IDH1: variants seen among roughly 807,000 people sequenced by gnomAD.
The protein encoded by IDH1 is isocitrate dehydrogenase [NADP] cytoplasmic.
Under a neutral mutation model 46.1 loss-of-function variants are expected in IDH1, and 33 were observed. The ratio of observed to expected loss-of-function variants is 0.72; its 90% CI spans 0.54 to 0.96. IDH1 has a LOEUF of 0.96. Ranked by LOEUF, IDH1 falls within the 40% of genes least tolerant of loss-of-function variation. The pLI is 0.00. For missense variants in IDH1, 421 were observed against 515.7 expected (o/e 0.82, Z 1.78); for synonymous variants, 144 against 172.8 (o/e 0.83, Z 1.31).
At position 208,236,943 on chromosome 2, in the gene IDH1, T is replaced by G. The variant is rs749424817; in HGVS notation, c.*136A>C. ...ATATAAGAAAAAGGCTGTAAACTTA[T>G]AGAAAAGATAAACTCTGGCTTCTAA... On this transcript the variant is annotated 3_prime_UTR_variant, in exon 10 of 10. Transcript: ENST00000345146. The G allele has an allele frequency of 6.3e-6, 4 of 637,224 alleles. No individual in the cohort carries two copies. Among genetic ancestry groups the G allele is most frequent in the Non-Finnish European group, 8.3e-6 (3 of 359,382 alleles). The allele number at this position is 637,224 out of a possible 1,614,324, so 39.5% of individuals were successfully genotyped here.
At chr2:208,244,557 T>C (rs1687982151) in intron 5 of IDH1, among the ~76,000 whole-genome samples, 1 of 152,246 alleles carries the variant, frequency 6.6e-6, no homozygotes, top group South Asian at 2.1e-4. Flanking sequence ...CACTGTGTTT[T>C]ACAACTATTA....
intron 2 of IDH1, among the ~76,000 whole-genome samples, chr2:208,251,812 C>T (rs1421594670): frequency 4.6e-5 from 7 of 151,762 alleles, no homozygotes; most frequent in Admixed American, 4.6e-4. Flanking sequence ...GCCCTCATAA[C>T]AATCCAAAAA....
At chr2:208,242,226 A>T in intron 6 of IDH1, 81 bp from the exon 7 acceptor site, 1 of 1,281,264 alleles carries the variant, frequency 7.8e-7, no homozygotes, top group Non-Finnish European at 1.1e-6. Flanking sequence ...CCCAAACAGA[A>T]GACCGGACAC....
chr2:208,252,362 G>A (rs958678036), intron 2 of IDH1, among the ~76,000 whole-genome samples: 10 of 152,220 alleles, frequency 6.6e-5, no homozygotes, highest in Non-Finnish European at 1.5e-5. Context: ...CTGCTAGTGA[G>A]TGGGATAGGA....
rs1559363426 is a variant in IDH1 at position 208,251,581 on chromosome 2, A to C, written c.-16-14T>G. On this transcript the variant is annotated splice_polypyrimidine_tract_variant and intron_variant, in intron 2 of 9. Coordinates refer to ENST00000345146, the MANE Select transcript of IDH1 (RefSeq NM_005896.4). ...ACTTCAATAAACCTAAAAAGAAAAAAAAAATACATGCCTTGTCATTTATTT... is the reference window on the plus strand; with the variant it reads ...ACTTCAATAAACCTAAAAAGAAAAACAAAATACATGCCTTGTCATTTATTT... The C allele has an allele frequency of 1.2e-6, 2 of 1,603,094 alleles. No homozygotes were observed. Among genetic ancestry groups the C allele is most frequent in the Non-Finnish European group, 1.7e-6 (2 of 1,171,608 alleles).
rs200686278 is a variant in IDH1, at chr2:208,237,182, A to T, written c.1155-13T>A. On this transcript the variant is annotated splice_polypyrimidine_tract_variant and intron_variant, in intron 9 of 9. Transcript: ENST00000345146. ...AGAACGTTGCACACTAACGGGAAGG[A>T]AAAAAAAAAGAAAATTTAGTTGGTC... The T allele has an allele frequency of 1.8e-3, 2 of 1,084 alleles. No homozygotes were observed. Among genetic ancestry groups the T allele is most frequent in the Non-Finnish European group, 1.5e-3 (1 of 682 alleles). The allele number at this position is 1,084 out of a possible 1,614,324, so 0.1% of individuals were successfully genotyped here.
intron 1 of IDH1, chr2:208,254,288 C>CT: frequency 6.5e-6 from 1 of 153,082 alleles, no homozygotes; most frequent in East Asian, 1.9e-4. Context: ...TCGGTACCTC[C>CT]TTCCAGGTCT....
Position 208,239,083 on chromosome 2 carries a change from T to TGGG in IDH1, c.1141_1142insCCC (p.Lys381delinsThrGln). 6.2e-7 allele frequency: 1 copy of TGGG among 1,613,896 alleles called. No homozygotes were observed. The highest frequency in any genetic ancestry group is 8.5e-7 in the Non-Finnish European group (1 of 1,179,832). ...ATCTTATACTTACTTGGGTAAACCT[T>TGGG]TAATGCAAGCAGCCAAGTCCTTGGT... is the stretch of plus-strand genomic sequence containing the variant. On this transcript the variant is annotated protein_altering_variant, in exon 9 of 10. Transcript: ENST00000345146.
rs1308414229 is a variant in IDH1, at chr2:208,236,979, A to G, written c.*100T>C. ...AACTCTGGCTTCTAAACAAATTACA[A>G]AATTGATTTTGCCTTTATCCTTGAG... On this transcript the variant is annotated 3_prime_UTR_variant, in exon 10 of 10. Transcript: ENST00000345146. The G allele has an allele frequency of 1.6e-5, 11 of 702,336 alleles. No individual in the cohort carries two copies. The highest frequency in any genetic ancestry group is 2.5e-5 in the Non-Finnish European group (10 of 399,354). The allele number at this position is 702,336 out of a possible 1,614,324, so 43.5% of individuals were successfully genotyped here.
rs1687931459 is a variant in IDH1 at position 208,242,160 on chromosome 2, G to A, written c.699-15C>T. On this transcript the variant is annotated splice_polypyrimidine_tract_variant and intron_variant, in intron 6 of 9. Transcript: ENST00000345146. ...ACTTGTACTGCCTGGGAAACAAAAG[G>A]TAAAAGAGAATAATAATAAAGAAAA... 1 of 1,612,126 alleles carries A rather than the reference G, an allele frequency of 6.2e-7. No individual in the cohort carries two copies. The highest frequency in any genetic ancestry group is 1.3e-5 in the African/African-American group (1 of 74,850).
At chr2:208,242,647 T>C (rs760033827) in intron 6 of IDH1, among the ~76,000 whole-genome samples, 3 of 152,200 alleles carry the variant, frequency 2.0e-5, no homozygotes, top group Non-Finnish European at 4.4e-5. Context: ...GTTATGCCAA[T>C]CTTAAATATT....
intron 9 of IDH1, among the ~76,000 whole-genome samples, chr2:208,237,763 A>C (rs7558080): frequency 1.8e-5 from 2 of 111,560 alleles, no homozygotes; most frequent in Non-Finnish European, 3.7e-5. Context: ...TACTAAAAAT[A>C]CAAAAAAAAA....
rs200591678 is a variant in IDH1, at chr2:208,239,125, A to G, written c.1100T>C (p.Ile367Thr). The change falls in exon 9 of 10, where the codon ATT (isoleucine) becomes ACT (threonine). Residue 367 changes from isoleucine to threonine, a missense_variant. Coordinates refer to ENST00000345146, the MANE Select transcript of IDH1 (RefSeq NM_005896.4). ...NALEEVSIET[I>T]EAGFMTKDLA... ...GTCCTTGGTCATGAAGCCAGCCTCA[A>G]TTGTCTCAATAGAGACTTCTTCCAA... 14 of 1,614,044 alleles carry G rather than the reference A, an allele frequency of 8.7e-6. No homozygotes were observed. The Admixed American group carries it at 1.2e-4, about 13-fold the overall frequency.
intron 3 of IDH1, among the ~76,000 whole-genome samples, chr2:208,250,084 T>G (rs1305957596): frequency 6.6e-6 from 1 of 152,170 alleles, no homozygotes; most frequent in African/African-American, 2.4e-5. Context: ...AATAGGAATT[T>G]TGGAAAAATT....
intron 2 of IDH1, among the ~76,000 whole-genome samples, chr2:208,252,608 T>C (rs1026992030): frequency 2.8e-4 from 42 of 152,248 alleles, no homozygotes; most frequent in African/African-American, 9.9e-4. Flanking sequence ...TGCAAATTGC[T>C]TTTATTCTCT....
At chr2:208,241,028 G>A (rs1318122939) in intron 7 of IDH1, among the ~76,000 whole-genome samples, 2 of 152,144 alleles carry the variant, frequency 1.3e-5, no homozygotes, top group Non-Finnish European at 2.9e-5. Flanking sequence ...ATTCATCTGG[G>A]GAGATTCAAG....
In IDH1 at chr2:208,237,048, G is replaced by C; in HGVS notation, c.*31C>G. The C allele has an allele frequency of 8.0e-7, 1 of 1,257,672 alleles. No individual in the cohort carries two copies. The highest frequency in any genetic ancestry group is 1.5e-5 in the African/African-American group (1 of 67,802). The allele number at this position is 1,257,672 out of a possible 1,614,324, so 77.9% of individuals were successfully genotyped here. A position where few individuals can be genotyped will look rare whatever the true frequency, so the allele number is the denominator to read the frequency against. On this transcript the variant is annotated 3_prime_UTR_variant, in exon 10 of 10. Transcript: ENST00000345146. ...AAACCTGTAGACCTAGTTACCAAAA[G>C]ACAATTATCCTTCTTAGCTCAGGTA...
At position 208,239,950 on chromosome 2, in the gene IDH1, T is replaced by C. The variant is rs1050004267; in HGVS notation, c.904A>G (p.Thr302Ala). Reference protein sequence around the residue: ...TSVLVCPDGKTVEAEAAHGTV... With the variant: ...TSVLVCPDGKAVEAEAAHGTV... Reference sequence around the variant, plus strand: ...CCGTGGGCAGCCTCTGCTTCTACTGTCTTGCCATCTGGACAAACCAGCACG... The same window carrying C: ...CCGTGGGCAGCCTCTGCTTCTACTGCCTTGCCATCTGGACAAACCAGCACG... Residue 302 changes from threonine to alanine, a missense_variant, in exon 8 of 10, where the codon ACA becomes GCA. By Grantham distance (58) the Thr-to-Ala change is moderately conservative. Coordinates refer to ENST00000345146, the MANE Select transcript of IDH1 (RefSeq NM_005896.4). The C allele has an allele frequency of 1.2e-6, 2 of 1,614,046 alleles. No individual in the cohort carries two copies. The highest frequency in any genetic ancestry group is 1.7e-6 in the Non-Finnish European group (2 of 1,180,012).
Position 208,237,008 on chromosome 2 carries a change from AAC to A in IDH1, c.*69_*70del. ...TGATTTTGCCTTTATCCTTGAGTGT[AAC>A]ACAGAAAAATGTAAACCTGTAGACC... On this transcript the variant is annotated 3_prime_UTR_variant, in exon 10 of 10. Transcript: ENST00000345146. 1 of 839,184 alleles carries A rather than the reference AAC, an allele frequency of 1.2e-6. No homozygotes were observed. Among genetic ancestry groups the A allele is most frequent in the Non-Finnish European group, 2.0e-6 (1 of 501,432 alleles). The allele number at this position is 839,184 out of a possible 1,614,324, so 52.0% of individuals were successfully genotyped here.
Sources: gnomAD v4.1 joint callset for allele counts (sites outside exome capture counted in the v4.1 genomes callset) on GRCh38, gnomAD v4.1.1 for gene constraint, MANE v1.5 for transcripts, NCBI Gene and HGNC (gene_info 2026-07-23, HGNC 2026-07-21) for gene names.